Variants in PTPRT observed in about 807,000 individuals in gnomAD.
The protein encoded by PTPRT is protein tyrosine phosphatase receptor type T.
A neutral mutation model predicts 176.8 loss-of-function variants in PTPRT; 56 were observed. The ratio of observed to expected loss-of-function variants is 0.32; its 90% CI spans 0.26 to 0.40. PTPRT has a LOEUF of 0.40. Ranked by LOEUF, PTPRT falls within the 10% of genes least tolerant of loss-of-function variation. The probability of loss-of-function intolerance (pLI) is 1.00; values close to 1 mark genes in which losing one functional copy is unlikely to be tolerated. For missense variants in PTPRT, 1,540 were observed against 1,908.2 expected, an observed-to-expected ratio of 0.81 and a Z score of 3.60; for synonymous variants, 783 against 739.0, an observed-to-expected ratio of 1.06 and a Z score of -0.96.
At chr20:43,027,948 C>T (rs1568741210) in intron 1 of PTPRT, among the ~76,000 whole-genome samples, 2 of 152,118 alleles carry the variant, frequency 1.3e-5, no homozygotes, top group African/African-American at 4.8e-5. Context: ...TCAGCATTTC[C>T]ATCCCAGCAC....
At chr20:42,311,834 T>C (rs2057635841) in intron 12 of PTPRT, among the ~76,000 whole-genome samples, 1 of 152,182 alleles carries the variant, frequency 6.6e-6, no homozygotes, top group Non-Finnish European at 1.5e-5. Context: ...AAGTATAGAT[T>C]GGAGAGCTGA....
intron 1 of PTPRT, among the ~76,000 whole-genome samples, chr20:42,986,946 C>T (rs1447885527): frequency 1.3e-5 from 2 of 152,240 alleles, no homozygotes; most frequent in Admixed American, 6.5e-5. Context: ...GTCTTAGAGG[C>T]CACATCCCTG....
chr20:42,664,937 C>T (rs917528070), intron 7 of PTPRT, among the ~76,000 whole-genome samples: 3 of 152,168 alleles, frequency 2.0e-5, no homozygotes, highest in African/African-American at 7.2e-5. Flanking sequence ...ACGCCTTACA[C>T]AAAAATTAAT....
At chr20:43,138,802 A>C (rs2013914513) in intron 1 of PTPRT, among the ~76,000 whole-genome samples, 1 of 152,082 alleles carries the variant, frequency 6.6e-6, no homozygotes, top group South Asian at 2.1e-4. Flanking sequence ...ACACCTTGCC[A>C]CTGACCCTGT....
chr20:42,706,789 C>T (rs2076066843), intron 6 of PTPRT, among the ~76,000 whole-genome samples: 1 of 152,116 alleles, frequency 6.6e-6, no homozygotes, highest in African/African-American at 2.4e-5. Flanking sequence ...ATTGTGTCCA[C>T]CCAAAAGAAT....
intron 21 of PTPRT, among the ~76,000 whole-genome samples, chr20:42,116,380 C>G (rs1358608230): frequency 6.6e-6 from 1 of 152,184 alleles, no homozygotes; most frequent in East Asian, 1.9e-4. Context: ...TAGGGAAACA[C>G]TGGTATAGTG....
intron 7 of PTPRT, among the ~76,000 whole-genome samples, chr20:42,648,905 G>A (rs2074974415): frequency 6.9e-6 from 1 of 143,984 alleles, no homozygotes. Flanking sequence ...TGCAAGCTCT[G>A]CCTCCCGGGT....
intron 20 of PTPRT, 132 bp from the exon 21 acceptor site, chr20:42,118,632 C>T (rs1987419276): frequency 1.7e-6 from 1 of 604,948 alleles, no homozygotes; most frequent in Non-Finnish European, 2.8e-6. Context: ...TGTTAAGACA[C>T]CAAGTATCTG....
the PTPRT span, among the ~76,000 whole-genome samples, chr20:42,053,720 G>A: frequency 6.6e-6 from 1 of 152,168 alleles, no homozygotes; most frequent in East Asian, 1.9e-4. Flanking sequence ...ACCAGACTTA[G>A]TCATTTGCAA....
chr20:43,186,307 A>G (rs984505684), intron 1 of PTPRT, among the ~76,000 whole-genome samples: 3 of 152,224 alleles, frequency 2.0e-5, no homozygotes, highest in African/African-American at 7.2e-5. Flanking sequence ...CTTTTCTCCA[A>G]ACCAGGCTGC....
chr20:42,057,810 C>T, the PTPRT span, among the ~76,000 whole-genome samples: 2 of 152,018 alleles, frequency 1.3e-5, no homozygotes, highest in African/African-American at 4.8e-5. Context: ...AACTCCTGGG[C>T]CCAAGTGATC....
At chr20:42,572,692 T>C (rs2073178122) in intron 7 of PTPRT, among the ~76,000 whole-genome samples, 1 of 152,256 alleles carries the variant, frequency 6.6e-6, no homozygotes, top group African/African-American at 2.4e-5. Flanking sequence ...ATTAACTTTT[T>C]AATTAGTTGT....
Position 42,284,905 on chromosome 20 carries a change from T to C in PTPRT, c.2140-2380A>G, listed in dbSNP as rs1283109642. Among the ~76,000 whole-genome samples the C allele has an allele frequency of 1.1e-4, 17 of 151,400 alleles. 1 individual carries two copies. The highest frequency in any genetic ancestry group is 1.1e-3 in the Admixed American group (17 of 15,184). On this transcript the variant is annotated intron_variant, in intron 12 of 30. Coordinates refer to ENST00000373187, the MANE Select transcript of PTPRT (RefSeq NM_007050.6). ...TTCATATAAAATCTTCACACAAAAT[T>C]TGAAGCATGTTACATTTCAATAACA... is the stretch of plus-strand genomic sequence containing the variant.
At chr20:43,010,506 C>A (rs1445318206) in intron 1 of PTPRT, among the ~76,000 whole-genome samples, 2 of 152,162 alleles carry the variant, frequency 1.3e-5, no homozygotes, top group African/African-American at 4.8e-5. Flanking sequence ...TTATATCAAC[C>A]TAGAACTTTG....
chr20:42,775,099 C>T (rs2145478903), intron 4 of PTPRT, among the ~76,000 whole-genome samples: 1 of 152,274 alleles, frequency 6.6e-6, no homozygotes, highest in Middle Eastern at 3.4e-3. Context: ...TGGTTCTAAG[C>T]ATTTCCTACT....
chr20:42,862,033 T>C (rs144668889), intron 2 of PTPRT, among the ~76,000 whole-genome samples: 114 of 152,272 alleles, frequency 7.5e-4, no homozygotes, highest in African/African-American at 2.7e-3. Context: ...CAAAAGGTTA[T>C]ACACACGCAC....
At chr20:42,740,377 T>C (rs1600684218) in intron 6 of PTPRT, among the ~76,000 whole-genome samples, 1 of 152,052 alleles carries the variant, frequency 6.6e-6, no homozygotes, top group South Asian at 2.1e-4. Flanking sequence ...TTTATCCAGT[T>C]AGAGTTGGGT....
At chr20:43,042,703 A>ACCCTCCCT (rs1986660103) in intron 1 of PTPRT, among the ~76,000 whole-genome samples, 1 of 118,654 alleles carries the variant, frequency 8.4e-6, no homozygotes, top group Non-Finnish European at 1.8e-5. Context: ...GCATTCTTCC[A>ACCCTCCCT]CCCACCCTCC....
chr20:43,086,949 T>G (rs1248722981), intron 1 of PTPRT, among the ~76,000 whole-genome samples: 6 of 152,242 alleles, frequency 3.9e-5, no homozygotes, highest in African/African-American at 1.4e-4. Context: ...CCTTTATAGA[T>G]GTACAGTTCT....
Sources: gnomAD v4.1 joint callset for allele counts (sites outside exome capture counted in the v4.1 genomes callset) on GRCh38, gnomAD v4.1.1 for gene constraint, MANE v1.5 for transcripts, NCBI Gene and HGNC (gene_info 2026-07-23, HGNC 2026-07-21) for gene names.